CDHR3: variants seen among roughly 807,000 people sequenced by gnomAD.
CDHR3 encodes the protein cadherin related family member 3, also known as cadherin-related family member 3.
CDHR3 carries 79 observed loss-of-function variants against 86.6 expected under a neutral mutation model. That is an observed-to-expected ratio of 0.91 (90% CI 0.76 to 1.10). The LOEUF is 1.10. Among genes scored for constraint, CDHR3 ranks in the 50% least tolerant of loss-of-function variants. The probability of loss-of-function intolerance (pLI) is 0.00; values close to 1 mark genes in which losing one functional copy is unlikely to be tolerated. For synonymous variants in CDHR3, 421 were observed against 402.4 expected, an observed-to-expected ratio of 1.05 and a Z score of -0.55; for missense variants, 1,081 against 1,077.6, an observed-to-expected ratio of 1.00 and a Z score of -0.04.
At position 106,034,534 on chromosome 7, in the gene CDHR3, G is replaced by A. The variant is rs1406327716; in HGVS notation, c.*1837G>A. ...ATGCCTGTCCTGGCCTAGATTGAGC[G>A]TGATTTATTAATAAGGGTTGGTTGC... On this transcript the variant is annotated 3_prime_UTR_variant, in exon 19 of 19. Transcript: ENST00000317716. Among the ~76,000 whole-genome samples, 1 of 152,222 alleles carries A rather than the reference G, an allele frequency of 6.6e-6. No homozygotes were observed. The highest frequency in any genetic ancestry group is 1.5e-5 in the Non-Finnish European group (1 of 68,032).
At position 106,015,798 on chromosome 7, in the gene CDHR3, T is replaced by C. The variant is rs144088794; in HGVS notation, c.1328-129T>C. 1.9e-4 allele frequency: 138 copies of C among 722,672 alleles called. 2 individuals carry two copies. The East Asian group carries it at 3.2e-3, about 17-fold the overall frequency. 44.8% of individuals were successfully genotyped at this position (722,672 alleles called of 1,614,324 possible). ...CCCTCGGCATCTAAAAGGCAGGAGC[T>C]CCCATGTCTTAGCCACCTGGTATCC... On this transcript the variant is annotated intron_variant, in intron 10 of 18. Transcript: ENST00000317716.
chr7:105,991,057 C>T lies in CDHR3; in HGVS notation c.514-3694C>T, dbSNP rs188621131. Among the ~76,000 whole-genome samples, 274 of 152,342 alleles carry T rather than the reference C, an allele frequency of 1.8e-3. 1 individual carries two copies. Among genetic ancestry groups the T allele is most frequent in the African/African-American group, 6.4e-3 (268 of 41,576 alleles). ...CCAGCAGGAAAACCAGAGAGCTTGT[C>T]TGACAAGCATTTGTTAACTGAATTG... On this transcript the variant is annotated intron_variant, in intron 4 of 18. Transcript: ENST00000317716.
chr7:105,968,344 C>CT (rs1055463453), intron 1 of CDHR3, among the ~76,000 whole-genome samples: 1 of 151,754 alleles, frequency 6.6e-6, no homozygotes, highest in Non-Finnish European at 1.5e-5. Flanking sequence ...ATTTTCTTTT[C>CT]TTTCTTTCTT....
At chr7:105,982,178 C>T (rs116218748) in intron 3 of CDHR3, among the ~76,000 whole-genome samples, 90 of 152,240 alleles carry the variant, frequency 5.9e-4, no homozygotes, top group Middle Eastern at 3.4e-3. Flanking sequence ...TCCTTAAGAA[C>T]CAATTAAAGG....
At chr7:106,025,100 A>G (rs779394646) in intron 15 of CDHR3, among the ~76,000 whole-genome samples, 4 of 152,058 alleles carry the variant, frequency 2.6e-5, no homozygotes, top group Non-Finnish European at 5.9e-5. Flanking sequence ...CTCTTTTTCC[A>G]GTTTTCAGCT....
rs534506289 is a variant in CDHR3, at chr7:105,971,080, G to A, written c.47-3764G>A. Among the ~76,000 whole-genome samples the A allele has an allele frequency of 3.3e-5, 5 of 150,908 alleles. No individual in the cohort carries two copies. The South Asian group carries it at 8.4e-4, about 25-fold the overall frequency. ...GGCGTGAACCCGGGAGGCAGAGCTTGCAGTGAGCCAAGATCGCGCCACTGC... is the reference window on the plus strand; with the variant it reads ...GGCGTGAACCCGGGAGGCAGAGCTTACAGTGAGCCAAGATCGCGCCACTGC... On this transcript the variant is annotated intron_variant, in intron 1 of 18. Transcript: ENST00000317716.
chr7:106,008,865 G>T (rs1047627663), intron 8 of CDHR3, among the ~76,000 whole-genome samples: 1 of 152,188 alleles, frequency 6.6e-6, no homozygotes, highest in African/African-American at 2.4e-5. Context: ...GGTAGGGGGT[G>T]AAGGTTAAGA....
intron 10 of CDHR3, 102 bp from the exon 11 acceptor site, chr7:106,015,825 C>CT: frequency 1.2e-6 from 1 of 861,306 alleles, no homozygotes; most frequent in East Asian, 2.6e-5. Context: ...CTGGTATCCC[C>CT]TATGCGCAAA....
In CDHR3 at chr7:106,032,388, A is replaced by T. The variant is rs1285932054; in HGVS notation, c.2354-5A>T. 2.5e-6 allele frequency: 4 copies of T among 1,593,084 alleles called. No homozygotes were observed. In the Admixed American group the frequency reaches 5.4e-5, roughly 22 times the overall value. ...TATGTGATTGTTGTATTTTTTTTTC[A>T]CTAGTGACCGGGGAAACATATGAAT... On this transcript the variant is annotated splice_region_variant and splice_polypyrimidine_tract_variant and intron_variant, in intron 18 of 18. Coordinates refer to ENST00000317716, the MANE Select transcript of CDHR3 (RefSeq NM_152750.5).
Position 105,970,794 on chromosome 7 carries a change from C to G in CDHR3, c.47-4050C>G, listed in dbSNP as rs550078519. On this transcript the variant is annotated intron_variant, in intron 1 of 18. Coordinates refer to ENST00000317716, the MANE Select transcript of CDHR3 (RefSeq NM_152750.5). Reference sequence around the variant, plus strand: ...GCTATTGCTATTATTACTACTACTACTTCTTTTACAAATAGCAATAGAGCT... The same window carrying G: ...GCTATTGCTATTATTACTACTACTAGTTCTTTTACAAATAGCAATAGAGCT... Among the ~76,000 whole-genome samples the G allele has an allele frequency of 2.0e-5, 3 of 152,282 alleles. No homozygotes were observed. The South Asian group carries it at 6.2e-4, about 32-fold the overall frequency.
chr7:106,015,946 C>T lies in CDHR3; in HGVS notation c.1347C>T (p.Ile449=), dbSNP rs1175393988. The T allele has an allele frequency of 4.3e-6, 7 of 1,611,906 alleles. No individual in the cohort carries two copies. Among genetic ancestry groups the T allele is most frequent in the Non-Finnish European group, 5.9e-6 (7 of 1,178,438 alleles). ...TTTTAGATAACGTCTACGTTTATAT[C>T]CTAACAAGCCCAGAAAATGAGTTTC... ...PYYKNNVYVY[I]LTSPENEFPL... Residue 449 remains isoleucine, a synonymous_variant, in exon 11 of 19, where the codon ATC becomes ATT. Coordinates refer to ENST00000317716, the MANE Select transcript of CDHR3 (RefSeq NM_152750.5).
chr7:105,984,519 C>CTCT (rs919722207), intron 4 of CDHR3, among the ~76,000 whole-genome samples: 4 of 152,146 alleles, frequency 2.6e-5, no homozygotes, highest in Non-Finnish European at 5.9e-5. Context: ...TTTGTTACCT[C>CTCT]TCTAAGTTTC....
intron 6 of CDHR3, among the ~76,000 whole-genome samples, chr7:105,999,018 A>G (rs935417452): frequency 2.6e-5 from 4 of 152,204 alleles, no homozygotes; most frequent in Non-Finnish European, 4.4e-5. Context: ...TGGTGAAGCC[A>G]TCCATGGCTT....
intron 1 of CDHR3, among the ~76,000 whole-genome samples, chr7:105,969,087 C>CAAAATAAAAATA (rs71155493): frequency 2.1e-5 from 3 of 143,266 alleles, no homozygotes; most frequent in African/African-American, 5.2e-5. Flanking sequence ...GACTCCGTCT[C>CAAAATAAAAATA]AAAATAAAAA....
chr7:106,010,563 C>A (rs1159368677), intron 8 of CDHR3, among the ~76,000 whole-genome samples: 12 of 152,196 alleles, frequency 7.9e-5, no homozygotes, highest in Admixed American at 6.5e-4. Flanking sequence ...AGCAAGCAAA[C>A]CTGTTATCCT....
intron 3 of CDHR3, among the ~76,000 whole-genome samples, chr7:105,983,790 G>A (rs1444835211): frequency 6.6e-6 from 1 of 152,160 alleles, no homozygotes; most frequent in East Asian, 1.9e-4. Flanking sequence ...CCTTCAAGGG[G>A]TAACAGCACA....
At chr7:106,026,227 T>C (rs1837325305) in intron 15 of CDHR3, among the ~76,000 whole-genome samples, 1 of 152,166 alleles carries the variant, frequency 6.6e-6, no homozygotes, top group Admixed American at 6.5e-5. Context: ...GGAAATCTCG[T>C]AGGGTCTGAG....
rs956525002 is a variant in CDHR3 at position 106,035,340 on chromosome 7, C to A, written c.*2643C>A. Reference sequence around the variant, plus strand: ...AACTCAAGAAATAGGGGCAAGAGTGCGCCAGGAGGAGAGAACACCTGCTGC... The same window carrying A: ...AACTCAAGAAATAGGGGCAAGAGTGAGCCAGGAGGAGAGAACACCTGCTGC... On this transcript the variant is annotated 3_prime_UTR_variant, in exon 19 of 19. Transcript: ENST00000317716. Among the ~76,000 whole-genome samples, 1 of 152,116 alleles carries A rather than the reference C, an allele frequency of 6.6e-6. No individual in the cohort carries two copies. Among genetic ancestry groups the A allele is most frequent in the African/African-American group, 2.4e-5 (1 of 41,422 alleles).
At chr7:106,013,090 A>T in intron 9 of CDHR3, 59 bp downstream of exon 9, 1 of 1,459,270 alleles carries the variant, frequency 6.9e-7, no homozygotes, top group South Asian at 1.4e-5. Flanking sequence ...AACATGCATC[A>T]TGCTTTTGCT....
Sources: allele counts gnomAD v4.1 joint callset (sites outside exome capture counted in the v4.1 genomes callset), GRCh38; gene constraint gnomAD v4.1.1; transcripts MANE v1.5; gene names NCBI Gene and HGNC (gene_info 2026-07-23, HGNC 2026-07-21).